The following SHPRH variants were observed in gnomAD, a reference collection of about 807,000 sequenced individuals.
The protein encoded by SHPRH is SNF2 histone linker PHD RING helicase.
Under a neutral mutation model 202.5 loss-of-function variants are expected in SHPRH, and 106 were observed. The observed-to-expected ratio is 0.52, with a 90% CI of 0.45 to 0.62. The LOEUF (loss-of-function observed/expected upper bound fraction) is 0.62. SHPRH is among the 20% of genes least tolerant of loss of function. The probability of loss-of-function intolerance (pLI) is 0.00; values close to 1 mark genes in which losing one functional copy is unlikely to be tolerated. For missense variants in SHPRH, 1,710 were observed against 2,020.0 expected (o/e 0.85, Z 2.94); for synonymous variants, 729 against 686.0 (o/e 1.06, Z -0.98).
chr6:145,916,358 T>G (rs947162467), intron 23 of SHPRH, among the ~76,000 whole-genome samples: 5 of 152,218 alleles, frequency 3.3e-5, no homozygotes, highest in Admixed American at 2.0e-4. Context: ...CATTTCCAGT[T>G]TTGGATTTGA....
chr6:145,858,069 G>A, the SHPRH span, among the ~76,000 whole-genome samples: 1 of 152,126 alleles, frequency 6.6e-6, no homozygotes, highest in African/African-American at 2.4e-5. Flanking sequence ...TATACTAAGA[G>A]TTGGTGAGGA....
At chr6:145,908,666 A>G (rs1783196159) in intron 25 of SHPRH, 2 of 152,174 alleles carry the variant, frequency 1.3e-5, no homozygotes, top group Non-Finnish European at 2.9e-5. Context: ...GACCTCTGTC[A>G]GATGGGTTGA....
intron 11 of SHPRH, chr6:145,935,697 A>C (rs553933997): frequency 3.1e-6 from 1 of 323,600 alleles, no homozygotes; most frequent in East Asian, 5.1e-5. Context: ...GCTTATACTT[A>C]ATTCAAAAAT....
chr6:145,929,197 G>C (rs1003575182), intron 14 of SHPRH, among the ~76,000 whole-genome samples: 1 of 151,718 alleles, frequency 6.6e-6, no homozygotes, highest in East Asian at 1.9e-4. Flanking sequence ...ATGTTATAAA[G>C]GTTTAAGTCA....
At position 145,943,243 on chromosome 6, in the gene SHPRH, A is replaced by G. The variant is rs1010084186; in HGVS notation, c.2138T>C (p.Val713Ala). 3.1e-6 allele frequency: 5 copies of G among 1,613,690 alleles called. No individual in the cohort carries two copies. Among genetic ancestry groups the G allele is most frequent in the African/African-American group, 2.7e-5 (2 of 74,902 alleles). The change falls in exon 9 of 30, where the codon GTG becomes GCG. Residue 713 changes from valine to alanine, a missense_variant. Val to Ala is a moderately conservative substitution (Grantham distance 64). Around this residue, in one of 8 missense-constraint regions of SHPRH, gnomAD observed 277 missense variants for 363.0 expected, o/e 0.76. Transcript: ENST00000275233. Reference protein sequence around the residue: ...CPHCLVAMEPVSTRATLIISP... With the variant: ...CPHCLVAMEPASTRATLIISP... ...GATGATCAGAGTTGCTCTTGTTGAC[A>G]CTGGTTCCATTGCAACAAGGCAGTG...
Position 145,941,613 on chromosome 6 carries a change from A to G in SHPRH, c.2490+10T>C. The G allele has an allele frequency of 6.2e-7, 1 of 1,611,964 alleles. No individual in the cohort carries two copies. The highest frequency in any genetic ancestry group is 8.5e-7 in the Non-Finnish European group (1 of 1,178,572). ...CCCCAGCCCTCAAAAGATTTTGCAG[A>G]AACTCTCACTTTTACTGTGGGACAC... On this transcript the variant is annotated intron_variant, in intron 10 of 29. Coordinates refer to ENST00000275233, the MANE Select transcript of SHPRH (RefSeq NM_001042683.3).
intron 1 of SHPRH, among the ~76,000 whole-genome samples, chr6:145,959,151 T>A (rs910302816): frequency 2.0e-5 from 3 of 152,136 alleles, no homozygotes; most frequent in Admixed American, 2.0e-4. Context: ...CTTTATTTTT[T>A]AATAAACTTT....
intron 13 of SHPRH, among the ~76,000 whole-genome samples, chr6:145,934,631 C>T (rs1442582934): frequency 1.3e-5 from 2 of 151,744 alleles, no homozygotes; most frequent in African/African-American, 4.8e-5. Context: ...CACCACTGCA[C>T]TCCAGCCTGG....
intron 16 of SHPRH, among the ~76,000 whole-genome samples, chr6:145,925,680 G>T (rs1390752224): frequency 6.6e-6 from 1 of 151,782 alleles, no homozygotes; most frequent in Non-Finnish European, 1.5e-5. Context: ...GGAAGAATCT[G>T]CATAATAAGC....
In SHPRH at chr6:145,886,587, A is replaced by T. The variant is rs745900158; in HGVS notation, c.*104T>A. On this transcript the variant is annotated 3_prime_UTR_variant, in exon 30 of 30. Transcript: ENST00000275233. The stretch of plus-strand genomic sequence containing the variant: ...AATAAACAAATTCATTCAACTAGGA[A>T]CAGTGTTACTGTTATCTACTGGGTT... The T allele has an allele frequency of 1.8e-5, 28 of 1,530,086 alleles. No homozygotes were observed. The Admixed American group carries it at 4.3e-4, about 23-fold the overall frequency. The allele number at this position is 1,530,086 out of a possible 1,614,324, so 94.8% of individuals were successfully genotyped here.
In SHPRH at chr6:145,954,773, C is replaced by T. The variant is rs576983538; in HGVS notation, c.550G>A (p.Glu184Lys). The T allele has an allele frequency of 1.0e-4, 162 of 1,613,392 alleles. 1 individual carries two copies. In the South Asian group the frequency reaches 1.4e-3, roughly 14 times the overall value. The change falls in exon 2 of 30, where the codon GAA (glutamate) becomes AAA (lysine). Residue 184 changes from glutamate (E) to lysine (K), a missense_variant. Physicochemically the swap from Glu to Lys is moderately conservative, Grantham distance 56. This residue lies in a region of SHPRH where 459 missense variants were observed against 426.5 expected (regional missense o/e 1.08). Transcript: ENST00000275233. ...AGCCACCCCAAATCTTCTAACATTTCACCACTGAAGGATGACTCCACCAGA... is the reference window on the plus strand; with the variant it reads ...AGCCACCCCAAATCTTCTAACATTTTACCACTGAAGGATGACTCCACCAGA... ...GILVESSFSGEMLEDLGWLQK... is the reference protein window; with the variant it reads ...GILVESSFSGKMLEDLGWLQK...
At chr6:145,927,102 T>C (rs775438586) in intron 15 of SHPRH, 87 bp downstream of exon 15, 3 of 1,203,344 alleles carry the variant, frequency 2.5e-6, no homozygotes, top group Non-Finnish European at 2.4e-6. Flanking sequence ...GACTGTTTGT[T>C]ACCATTTATC....
chr6:145,954,692 T>G lies in SHPRH; in HGVS notation c.631A>C (p.Lys211Gln). Reference protein sequence around the residue: ...YQKPEGNHIIKVGIYLLEAGL... With the variant: ...YQKPEGNHIIQVGIYLLEAGL... ...AGACACCACAAAAAACTGAGTACCT[T>G]GATAATGTGATTTCCTTCTGGTTTC... The change falls in exon 2 of 30, where the codon AAG becomes CAG. Residue 211 changes from lysine (K) to glutamine (Q), a missense_variant and splice_region_variant. Lys to Gln is a moderately conservative substitution (Grantham distance 53). Coordinates refer to ENST00000275233, the MANE Select transcript of SHPRH (RefSeq NM_001042683.3). 1 of 1,573,908 alleles carries G rather than the reference T, an allele frequency of 6.4e-7. No homozygotes were observed. The highest frequency in any genetic ancestry group is 8.6e-7 in the Non-Finnish European group (1 of 1,166,366).
intron 1 of SHPRH, among the ~76,000 whole-genome samples, chr6:145,958,973 C>T (rs999772751): frequency 6.6e-6 from 1 of 152,106 alleles, no homozygotes; most frequent in African/African-American, 2.4e-5. Context: ...GCTGGGACTA[C>T]AGGCGCCTGC....
intron 11 of SHPRH, among the ~76,000 whole-genome samples, chr6:145,936,868 T>C (rs1232141879): frequency 6.6e-6 from 1 of 151,954 alleles, no homozygotes; most frequent in East Asian, 1.9e-4. Flanking sequence ...TATTTTTAGC[T>C]CAAATCAATT....
At chr6:145,879,965 T>TCC (rs1381196081), downstream of SHPRH, among the ~76,000 whole-genome samples, 6 of 150,054 alleles carry the variant, frequency 4.0e-5, no homozygotes, top group Non-Finnish European at 8.9e-5. Flanking sequence ...GTGACTAGCT[T>TCC]CCCCCCACCA....
Position 145,885,221 on chromosome 6 carries a change from C to T in SHPRH, c.*1470G>A, listed in dbSNP as rs1048602433. 2.0e-5 allele frequency: 3 copies of T among 152,082 alleles called. No individual in the cohort carries two copies. Among genetic ancestry groups the T allele is most frequent in the Admixed American group, 6.6e-5 (1 of 15,254 alleles). 9.4% of individuals were successfully genotyped at this position (152,082 alleles called of 1,614,324 possible). On this transcript the variant is annotated 3_prime_UTR_variant, in exon 30 of 30. Transcript: ENST00000275233. ...ACAAGATTGTTGGGTAAATTAAACA[C>T]GTAAATGTACATGAAAGCTCTTTTT...
In SHPRH at chr6:145,944,887, C is replaced by T. The variant is rs527307404; in HGVS notation, c.1578+494G>A. Among the ~76,000 whole-genome samples the T allele has an allele frequency of 2.6e-5, 4 of 151,676 alleles. No individual in the cohort carries two copies. In the South Asian group the frequency reaches 8.4e-4, roughly 32 times the overall value. ...TGCCTGGGCAACATAGTGAGAACCC[C>T]GTCTCTACAAAAAAACAAGAAAAAT... On this transcript the variant is annotated intron_variant, in intron 8 of 29. Coordinates refer to ENST00000275233, the MANE Select transcript of SHPRH (RefSeq NM_001042683.3).
intron 14 of SHPRH, 60 bp downstream of exon 14, chr6:145,932,997 A>T: frequency 6.6e-7 from 1 of 1,520,186 alleles, no homozygotes; most frequent in Non-Finnish European, 9.0e-7. Context: ...TATTTTTTCT[A>T]TAATTAACCT....
Sources: allele counts gnomAD v4.1 joint callset (sites outside exome capture counted in the v4.1 genomes callset), GRCh38; gene constraint gnomAD v4.1.1; regional missense constraint gnomAD v4.1.1; transcripts MANE v1.5; gene names NCBI Gene and HGNC (gene_info 2026-07-23, HGNC 2026-07-21).